The following PLEKHG2 variants were observed in gnomAD, a reference collection of about 807,000 sequenced individuals.
PLEKHG2 encodes the protein pleckstrin homology domain-containing family G member 2.
In PLEKHG2, 71 loss-of-function variants were observed where a neutral mutation model predicts 104.4. The observed-to-expected ratio is 0.68, with a 90% CI of 0.56 to 0.83. PLEKHG2 has a LOEUF of 0.83. Ranked by LOEUF, PLEKHG2 falls within the 40% of genes least tolerant of loss-of-function variation. The probability of loss-of-function intolerance (pLI) is 0.00; values close to 1 mark genes in which losing one functional copy is unlikely to be tolerated. For synonymous variants in PLEKHG2, 728 were observed against 737.0 expected, an observed-to-expected ratio of 0.99 and a Z score of 0.20; for missense variants, 1,730 against 1,809.4, an observed-to-expected ratio of 0.96 and a Z score of 0.80.
In PLEKHG2 at chr19:39,420,985, G is replaced by A. The variant is rs184059866; in HGVS notation, c.1436G>A (p.Arg479His). 3.9e-5 allele frequency: 63 copies of A among 1,613,940 alleles called. No homozygotes were observed. In the Admixed American group the frequency reaches 4.7e-4, roughly 12 times the overall value. ...GGGCCCTCTGTGATTCGCCGAGGCCGCAGGCAGTCTGGTGAGCACTCACCC... is the reference window on the plus strand; with the variant it reads ...GGGCCCTCTGTGATTCGCCGAGGCCACAGGCAGTCTGGTGAGCACTCACCC... ...SPGPSVIRRG[R>H]RQSEPVKDPY... The change falls in exon 14 of 19, where the codon CGC (arginine) becomes CAC (histidine). Residue 479 changes from arginine to histidine, a missense_variant. Transcript: ENST00000425673.
chr19:39,417,722 G>A (rs2078629243), intron 8 of PLEKHG2, 30 bp downstream of exon 8: 2 of 990,642 alleles, frequency 2.0e-6, no homozygotes, highest in South Asian at 1.3e-5. Context: ...GGGCTTGCTG[G>A]ATGAGGGAGT....
Position 39,424,564 on chromosome 19 carries a change from C to CGTGG in PLEKHG2, c.3431_3432insGTGG (p.Pro1145TrpfsTer73). On this transcript the variant is annotated frameshift_variant, in exon 19 of 19. Coordinates refer to ENST00000425673, the MANE Select transcript of PLEKHG2 (RefSeq NM_022835.3). LOFTEE classifies it low-confidence loss of function (END_TRUNC). ...CCAGACACTCAGGTTCCAGCTACCACACCTTTGCCCCTGCCACAAGTCCTC... is the reference window on the plus strand; with the variant it reads ...CCAGACACTCAGGTTCCAGCTACCACGTGGACCTTTGCCCCTGCCACAAGTCCTC... 6.2e-7 allele frequency: 1 copy of CGTGG among 1,614,186 alleles called. No individual in the cohort carries two copies. Among genetic ancestry groups the CGTGG allele is most frequent in the South Asian group, 1.1e-5 (1 of 91,082 alleles).
At position 39,423,360 on chromosome 19, in the gene PLEKHG2, G is replaced by A. The variant is rs761726751; in HGVS notation, c.2306G>A (p.Ser769Asn). The A allele has an allele frequency of 6.2e-7, 1 of 1,613,556 alleles. No individual in the cohort carries two copies. ...TTCCGCTCTTGCTCAGAAATCCGGAGCGCCTGGCAGGCATTGGAACAGGGA... is the reference window on the plus strand; with the variant it reads ...TTCCGCTCTTGCTCAGAAATCCGGAACGCCTGGCAGGCATTGGAACAGGGA... The part of the protein sequence containing the change: ...LAFRSCSEIR[S>N]AWQALEQGQL... The change falls in exon 18 of 19, where the codon AGC becomes AAC. Residue 769 changes from serine (S) to asparagine (N), a missense_variant. By Grantham distance (46) the Ser-to-Asn change is conservative (BLOSUM62 1). Coordinates refer to ENST00000425673, the MANE Select transcript of PLEKHG2 (RefSeq NM_022835.3).
chr19:39,413,431 G>A lies in PLEKHG2; in HGVS notation c.-23+19G>A, dbSNP rs1036423696. ...CCGGGAGGTGAGGGGGGAGGCGAGG[G>A]GCCCAGGCGGACTGGGGGAGGGGGC... On this transcript the variant is annotated intron_variant, in intron 1 of 18. Transcript: ENST00000425673. This position sits in a 1 kb window ranked among gnomAD's most constrained non-coding sequence, Gnocchi z 4.5. 1 of 152,134 alleles carries A rather than the reference G, an allele frequency of 6.6e-6. No individual in the cohort carries two copies. The highest frequency in any genetic ancestry group is 1.9e-4 in the East Asian group (1 of 5,186). 9.4% of individuals were successfully genotyped at this position (152,134 alleles called of 1,614,324 possible). A position where few individuals can be genotyped will look rare whatever the true frequency, so the allele number is the denominator to read the frequency against.
rs1009105065 is a variant in PLEKHG2, at chr19:39,426,452, GC to G, written c.*1161del. The G allele has an allele frequency of 6.6e-6, 1 of 152,222 alleles. No homozygotes were observed. Among genetic ancestry groups the G allele is most frequent in the Non-Finnish European group, 1.5e-5 (1 of 68,052 alleles). 9.4% of individuals were successfully genotyped at this position (152,222 alleles called of 1,614,324 possible). ...TGCCCCCTTGTTCCAGCAGTGGTAT[GC>G]CCAGTGAGAGGCACAATTTAAACGG... On this transcript the variant is annotated 3_prime_UTR_variant, in exon 19 of 19. Coordinates refer to ENST00000425673, the MANE Select transcript of PLEKHG2 (RefSeq NM_022835.3).
At chr19:39,420,481 A>T in intron 11 of PLEKHG2, 145 bp from the exon 12 acceptor site, 1 of 937,742 alleles carries the variant, frequency 1.1e-6, no homozygotes, top group Non-Finnish European at 1.7e-6. Flanking sequence ...CTATGATTGC[A>T]CCACTGTACT....
At chr19:39,422,017 AAAAC>A (rs1468936622) in intron 16 of PLEKHG2, 94 bp from the exon 17 acceptor site, 12 of 1,326,644 alleles carry the variant, frequency 9.0e-6, no homozygotes, top group African/African-American at 3.0e-5. Flanking sequence ...ACTCCATCTC[AAAAC>A]AAACAAACGC....
Position 39,413,997 on chromosome 19 carries a change from C to T in PLEKHG2, c.-22-68C>T, listed in dbSNP as rs251863. ...CACCACGCTCCTAATTCCCAGCCCCCATCTGTGAGTCTGGGCGGCGGAGAG... is the reference window on the plus strand; with the variant it reads ...CACCACGCTCCTAATTCCCAGCCCCTATCTGTGAGTCTGGGCGGCGGAGAG... On this transcript the variant is annotated intron_variant, in intron 1 of 18. Coordinates refer to ENST00000425673, the MANE Select transcript of PLEKHG2 (RefSeq NM_022835.3). This position sits in a 1 kb window ranked among gnomAD's most constrained non-coding sequence, Gnocchi z 4.5. The T allele has an allele frequency of 1.7e-3, 1,835 of 1,092,120 alleles. 29 individuals carry two copies. The African/African-American group carries it at 0.025, about 15-fold the overall frequency. 67.7% of individuals were successfully genotyped at this position (1,092,120 alleles called of 1,614,324 possible). A position where few individuals can be genotyped will look rare whatever the true frequency, so the allele number is the denominator to read the frequency against.
rs761517117 is a variant in PLEKHG2 at position 39,417,577 on chromosome 19, A to G, written c.767A>G (p.Glu256Gly). 1.9e-6 allele frequency: 3 copies of G among 1,613,888 alleles called. No individual in the cohort carries two copies. Among genetic ancestry groups the G allele is most frequent in the Non-Finnish European group, 2.5e-6 (3 of 1,180,014 alleles). The change falls in exon 8 of 19, where the codon GAG becomes GGG. Residue 256 changes from glutamate to glycine, a missense_variant. Physicochemically the swap from Glu to Gly is moderately conservative, Grantham distance 98 (BLOSUM62 -2). Coordinates refer to ENST00000425673, the MANE Select transcript of PLEKHG2 (RefSeq NM_022835.3). Reference sequence around the variant, plus strand: ...CAGGAACTAGGGAAGCACTGGGCGGAGGGCCCAGGCACTGGGGGTCGCGAG... The same window carrying G: ...CAGGAACTAGGGAAGCACTGGGCGGGGGGCCCAGGCACTGGGGGTCGCGAG... ...LLQELGKHWAEGPGTGGREMV... is the reference protein window; with the variant it reads ...LLQELGKHWAGGPGTGGREMV...
chr19:39,417,996 G>A lies in PLEKHG2; in HGVS notation c.974G>A (p.Gly325Glu). The A allele has an allele frequency of 6.4e-7, 1 of 1,557,322 alleles. No individual in the cohort carries two copies. The highest frequency in any genetic ancestry group is 8.7e-7 in the Non-Finnish European group (1 of 1,153,562). The stretch of plus-strand genomic sequence containing the variant: ...GAGGGCGCGTTCCGAGGAGGCGGAG[G>A]GGGTGGCCCCCGGCTACGAGGGGGT... ...VLEGAFRGGG[G>E]GGPRLRGGER... is the part of the protein sequence containing the mutation. Residue 325 changes from glycine (G) to glutamate (E), a missense_variant, in exon 9 of 19, where the codon GGG (glycine) becomes GAG (glutamate). Coordinates refer to ENST00000425673, the MANE Select transcript of PLEKHG2 (RefSeq NM_022835.3).
intron 11 of PLEKHG2, among the ~76,000 whole-genome samples, chr19:39,419,384 C>T (rs1235481675): frequency 6.6e-6 from 1 of 152,102 alleles, no homozygotes; most frequent in Non-Finnish European, 1.5e-5. Context: ...ATCATTTAAG[C>T]CCGGGAGTTC....
At position 39,418,772 on chromosome 19, in the gene PLEKHG2, T is replaced by A; in HGVS notation, c.1122T>A (p.Pro374=). ...GCGTGAGCGAGAGTCCCCGAGACCC[T>A]CTAGGGTTCAAGGTGTCTGATCTGA... ...NLSVSESPRD[P]LGFKVSDLTI... The change falls in exon 10 of 19, where the codon CCT becomes CCA. Residue 374 remains proline, a synonymous_variant. Transcript: ENST00000425673. The A allele has an allele frequency of 6.2e-7, 1 of 1,613,140 alleles. No homozygotes were observed. Among genetic ancestry groups the A allele is most frequent in the Non-Finnish European group, 8.5e-7 (1 of 1,179,380 alleles).
chr19:39,415,347 G>A lies in PLEKHG2; in HGVS notation c.387G>A (p.Leu129=), dbSNP rs2078586079. Reference sequence around the variant, plus strand: ...CCCAGTCATCCCAACAGGACTACCTGGGCCCTCTGCTGGACGGCGGGGTCC... The same window carrying A: ...CCCAGTCATCCCAACAGGACTACCTAGGCCCTCTGCTGGACGGCGGGGTCC... ...RDLRSIVEDY[L]GPLLDGGVLG... is the part of the protein sequence containing the mutation. The change falls in exon 4 of 19, where the codon CTG becomes CTA. Residue 129 remains leucine (L), a synonymous_variant. Coordinates refer to ENST00000425673, the MANE Select transcript of PLEKHG2 (RefSeq NM_022835.3). The surrounding 1 kb of genome is among the most constrained non-coding windows in gnomAD (Gnocchi z 4.6). The A allele has an allele frequency of 6.2e-7, 1 of 1,614,010 alleles. No homozygotes were observed. The highest frequency in any genetic ancestry group is 8.5e-7 in the Non-Finnish European group (1 of 1,179,954).
chr19:39,422,538 C>T (rs1183766575), intron 17 of PLEKHG2, among the ~76,000 whole-genome samples, 194 bp from the exon 18 acceptor site: 2 of 151,892 alleles, frequency 1.3e-5, no homozygotes, highest in African/African-American at 2.4e-5. Context: ...CCAACACACC[C>T]GGCTAATTTT....
Position 39,416,235 on chromosome 19 carries a change from G to A in PLEKHG2, c.480-113G>A, listed in dbSNP as rs1434992342. On this transcript the variant is annotated intron_variant, in intron 4 of 18. Coordinates refer to ENST00000425673, the MANE Select transcript of PLEKHG2 (RefSeq NM_022835.3). The surrounding 1 kb of genome is among the most constrained non-coding windows in gnomAD (Gnocchi z 4.5). ...CATGACATCCCCTTAGGAGATGCTGGCAGTCAGCAAGCCCCCAGCCCCAGC... is the reference window on the plus strand; with the variant it reads ...CATGACATCCCCTTAGGAGATGCTGACAGTCAGCAAGCCCCCAGCCCCAGC... The A allele has an allele frequency of 6.9e-6, 7 of 1,020,088 alleles. No individual in the cohort carries two copies. The highest frequency in any genetic ancestry group is 1.1e-5 in the Non-Finnish European group (7 of 660,032). 63.2% of individuals were successfully genotyped at this position (1,020,088 alleles called of 1,614,324 possible).
Position 39,412,988 on chromosome 19 carries a change from G to A in PLEKHG2, c.-447G>A, listed in dbSNP as rs2078543487. On this transcript the variant is annotated 5_prime_UTR_variant, in exon 1 of 19. Coordinates refer to ENST00000425673, the MANE Select transcript of PLEKHG2 (RefSeq NM_022835.3). ...CCAAGACCCCGCGTTGGAGGAACTT[G>A]AGATCCGGACTTCTAAGCGCCCCAA... is the stretch of plus-strand genomic sequence containing the variant. 1 of 152,264 alleles carries A rather than the reference G, an allele frequency of 6.6e-6. No homozygotes were observed. Among genetic ancestry groups the A allele is most frequent in the African/African-American group, 2.4e-5 (1 of 41,456 alleles). The allele number at this position is 152,264 out of a possible 1,614,324, so 9.4% of individuals were successfully genotyped here.
Position 39,418,684 on chromosome 19 carries a change from A to C in PLEKHG2, c.1084-50A>C, listed in dbSNP as rs763267741. 1.1e-5 allele frequency: 16 copies of C among 1,470,876 alleles called. 1 individual carries two copies. The South Asian group carries it at 1.9e-4, about 17-fold the overall frequency. 91.1% of individuals were successfully genotyped at this position (1,470,876 alleles called of 1,614,324 possible). ...CCAAGGGTGTCTCCGTACAAGGGGC[A>C]TCACTGAGCCCAAGGACTCTGAGCT... On this transcript the variant is annotated intron_variant, in intron 9 of 18. Coordinates refer to ENST00000425673, the MANE Select transcript of PLEKHG2 (RefSeq NM_022835.3).
chr19:39,422,614 C>A, intron 17 of PLEKHG2, 118 bp from the exon 18 acceptor site: 1 of 1,300,308 alleles, frequency 7.7e-7, no homozygotes, highest in Non-Finnish European at 1.0e-6. Context: ...GTCTCGAACT[C>A]GTAACCTCAA....
At chr19:39,421,415 G>A (rs2078697770) in intron 16 of PLEKHG2, 116 bp downstream of exon 16, 1 of 1,147,930 alleles carries the variant, frequency 8.7e-7, no homozygotes. Flanking sequence ...GCCAGACAGA[G>A]TAACTCATGC....
Sources: allele counts gnomAD v4.1 joint callset (sites outside exome capture counted in the v4.1 genomes callset), GRCh38; gene constraint gnomAD v4.1.1; non-coding constraint Gnocchi (gnomAD v3.1); transcripts MANE v1.5; gene names NCBI Gene and HGNC (gene_info 2026-07-23, HGNC 2026-07-21).